Variants in POT1 observed in about 807,000 individuals in gnomAD.
POT1 encodes protection of telomeres 1.
POT1 carries 47 observed loss-of-function variants against 78.5 expected under a neutral mutation model. That is an observed-to-expected ratio of 0.60 (90% CI 0.47 to 0.76). The LOEUF is 0.76. POT1 is among the 30% of genes least tolerant of loss of function. The pLI is 0.00. For synonymous variants in POT1, 259 were observed against 260.7 expected (o/e 0.99, Z 0.06); for missense variants, 646 against 749.9 (o/e 0.86, Z 1.62).
At chr7:124,877,280 C>A (rs1252165949) in intron 6 of POT1, among the ~76,000 whole-genome samples, 1 of 152,102 alleles carries the variant, frequency 6.6e-6, no homozygotes, top group African/African-American at 2.4e-5. Flanking sequence ...CTTTATAAAA[C>A]CTGACAAAAC....
In POT1 at chr7:124,835,351, G is replaced by A; in HGVS notation, c.1433C>T (p.Ser478Phe). ...NKFNSVIPVR[S>F]GHEDLELLDL... ...CAAAAGTTCCAGGTCTTCGTGGCCA[G>A]ATCTCACAGGAATTACACTATTAAA... The change falls in exon 15 of 19, where the codon TCT becomes TTT. Residue 478 changes from serine (S) to phenylalanine (F), a missense_variant. Around this residue, in one of 2 missense-constraint regions of POT1, gnomAD observed 394 missense variants for 408.4 expected, o/e 0.96. Transcript: ENST00000357628. The A allele has an allele frequency of 6.2e-7, 1 of 1,614,064 alleles. No individual in the cohort carries two copies. Among genetic ancestry groups the A allele is most frequent in the South Asian group, 1.1e-5 (1 of 91,078 alleles).
intron 6 of POT1, among the ~76,000 whole-genome samples, chr7:124,875,860 T>C (rs1369832643): frequency 6.6e-6 from 1 of 152,210 alleles, no homozygotes; most frequent in African/African-American, 2.4e-5. Context: ...TCCATTTTGC[T>C]AAAATGACTT....
intron 13 of POT1, among the ~76,000 whole-genome samples, chr7:124,841,793 T>C (rs752807040): frequency 6.6e-6 from 1 of 151,892 alleles, no homozygotes; most frequent in African/African-American, 2.4e-5. Flanking sequence ...TAAAAAATGA[T>C]CGCGGAGAGT....
chr7:124,922,121 A>G (rs1267174856), intron 2 of POT1, among the ~76,000 whole-genome samples: 2 of 152,080 alleles, frequency 1.3e-5, no homozygotes, highest in Non-Finnish European at 1.5e-5. Flanking sequence ...AAAAGAAAAA[A>G]AAAGTCAACA....
rs932579051 is a variant in POT1 at position 124,871,076 on chromosome 7, A to G, written c.125-35T>C. ...ACAAAAATATTTTACCTGACTTTCAATATTTTAAAGCATTTGATAAAATAA... is the reference window on the plus strand; with the variant it reads ...ACAAAAATATTTTACCTGACTTTCAGTATTTTAAAGCATTTGATAAAATAA... On this transcript the variant is annotated intron_variant, in intron 6 of 18. Coordinates refer to ENST00000357628, the MANE Select transcript of POT1 (RefSeq NM_015450.3). 2.0e-6 allele frequency: 3 copies of G among 1,534,166 alleles called. No homozygotes were observed. In the Admixed American group the frequency reaches 5.8e-5, roughly 30 times the overall value.
intron 11 of POT1, among the ~76,000 whole-genome samples, chr7:124,847,895 A>G (rs1437492288): frequency 6.6e-6 from 1 of 152,242 alleles, no homozygotes; most frequent in Non-Finnish European, 1.5e-5. Flanking sequence ...GCCTAGACAT[A>G]AGCCCACATT....
chr7:124,883,238 T>C (rs1796163537), intron 6 of POT1, among the ~76,000 whole-genome samples: 1 of 152,038 alleles, frequency 6.6e-6, no homozygotes, highest in African/African-American at 2.4e-5. Flanking sequence ...TGAAAATATA[T>C]ATTCAAAAAG....
chr7:124,833,358 T>A (rs1344676006), intron 15 of POT1, among the ~76,000 whole-genome samples: 1 of 152,160 alleles, frequency 6.6e-6, no homozygotes, highest in Non-Finnish European at 1.5e-5. Context: ...AATTTTTCAA[T>A]CAGGATTTAC....
Position 124,911,344 on chromosome 7 carries a change from A to T in POT1, c.-154+4230T>A, listed in dbSNP as rs142387461. Among the ~76,000 whole-genome samples the T allele has an allele frequency of 4.5e-3, 678 of 152,218 alleles. 2 individuals carry two copies. Among genetic ancestry groups the T allele is most frequent in the Non-Finnish European group, 7.3e-3 (497 of 67,956 alleles). Reference sequence around the variant, plus strand: ...AGCAGGCATGATTGTGTGTATGTGCACTCACGCTTTTTTCTGTTTTATTTC... The same window carrying T: ...AGCAGGCATGATTGTGTGTATGTGCTCTCACGCTTTTTTCTGTTTTATTTC... On this transcript the variant is annotated intron_variant, in intron 3 of 18. Transcript: ENST00000357628.
At chr7:124,929,660 G>A (rs964465030) in intron 1 of POT1, 134 bp downstream of exon 1, 1 of 152,086 alleles carries the variant, frequency 6.6e-6, no homozygotes, top group Non-Finnish European at 1.5e-5. Flanking sequence ...CAGCAGGCTC[G>A]AGATAAACAC....
intron 2 of POT1, among the ~76,000 whole-genome samples, chr7:124,922,093 C>A (rs530548446): frequency 6.6e-6 from 1 of 151,704 alleles, no homozygotes. Flanking sequence ...AGCAGTGGAC[C>A]GGCATCTCTA....
chr7:124,928,357 C>T (rs1797326038), intron 2 of POT1, among the ~76,000 whole-genome samples: 1 of 152,124 alleles, frequency 6.6e-6, no homozygotes, highest in African/African-American at 2.4e-5. Flanking sequence ...GAGTAATATC[C>T]AAATTCCTCA....
rs968943191 is a variant in POT1, at chr7:124,846,838, T to C, written c.1006+104A>G. The stretch of plus-strand genomic sequence containing the variant: ...ATGGACATATTTTAGCTTTAAAGGA[T>C]ATGTGTTCTACTATTAGAAAGAAAT... On this transcript the variant is annotated intron_variant, in intron 12 of 18. Transcript: ENST00000357628. The C allele has an allele frequency of 1.6e-5, 12 of 765,512 alleles. No individual in the cohort carries two copies. The African/African-American group carries it at 2.1e-4, about 14-fold the overall frequency. The allele number at this position is 765,512 out of a possible 1,614,324, so 47.4% of individuals were successfully genotyped here. A position where few individuals can be genotyped will look rare whatever the true frequency, so the allele number is the denominator to read the frequency against.
rs1795515109 is a variant in POT1, at chr7:124,858,977, G to A, written c.682C>T (p.His228Tyr). ...IDILVYDNHV[H>Y]VARSLKVGSF... ...ATCACCTTCAGAGATCTTGCCACAT[G>A]AACATGGTTATCGTAGACTAAAATG... Residue 228 changes from histidine (H) to tyrosine (Y), a missense_variant, in exon 9 of 19, where the codon CAT becomes TAT. Physicochemically the swap from His to Tyr is moderately conservative, Grantham distance 83. Transcript: ENST00000357628. 6.2e-7 allele frequency: 1 copy of A among 1,608,448 alleles called. No homozygotes were observed. Among genetic ancestry groups the A allele is most frequent in the Non-Finnish European group, 8.5e-7 (1 of 1,176,398 alleles).
intron 2 of POT1, among the ~76,000 whole-genome samples, chr7:124,924,830 T>C (rs945643123): frequency 1.3e-5 from 2 of 152,054 alleles, no homozygotes; most frequent in African/African-American, 4.8e-5. Flanking sequence ...GTAAGTGTTA[T>C]ACATCACATA....
chr7:124,864,497 C>G (rs1795674487), intron 7 of POT1, among the ~76,000 whole-genome samples: 1 of 151,708 alleles, frequency 6.6e-6, no homozygotes. Flanking sequence ...TTTTTTGCTT[C>G]TTTGCTTTTT....
At chr7:124,903,381 G>C (rs1187798192) in intron 3 of POT1, among the ~76,000 whole-genome samples, 1 of 152,132 alleles carries the variant, frequency 6.6e-6, no homozygotes, top group African/African-American at 2.4e-5. Flanking sequence ...GCTCAAAACT[G>C]CACAACTACA....
At chr7:124,905,520 TAAAAA>T (rs564690168) in intron 3 of POT1, among the ~76,000 whole-genome samples, 35 of 143,604 alleles carry the variant, frequency 2.4e-4, no homozygotes, top group African/African-American at 8.0e-4. Flanking sequence ...CCTAAAACCA[TAAAAA>T]AAAAACCCTA....
chr7:124,875,401 A>G (rs970389109), intron 6 of POT1, among the ~76,000 whole-genome samples: 4 of 152,202 alleles, frequency 2.6e-5, no homozygotes, highest in African/African-American at 9.6e-5. Flanking sequence ...ATAAATAATC[A>G]CTATTATATC....
Sources: gnomAD v4.1 joint callset for allele counts (sites outside exome capture counted in the v4.1 genomes callset) on GRCh38, gnomAD v4.1.1 for gene constraint, gnomAD v4.1.1 regional missense constraint, MANE v1.5 for transcripts, NCBI Gene and HGNC (gene_info 2026-07-23, HGNC 2026-07-21) for gene names.